Variants in STXBP6 observed in about 807,000 individuals in gnomAD.
STXBP6 encodes syntaxin-binding protein 6.
STXBP6 carries 21 observed loss-of-function variants against 26.9 expected under a neutral mutation model. That is an observed-to-expected ratio of 0.78 (90% CI 0.55 to 1.12). STXBP6 has a LOEUF of 1.12. Ranked by LOEUF, STXBP6 falls within the 50% of genes most tolerant of loss-of-function variation. STXBP6 has a pLI of 0.00. For synonymous variants in STXBP6, 97 were observed against 92.6 expected (o/e 1.05, Z -0.27); for missense variants, 232 against 257.9 (o/e 0.90, Z 0.69).
At chr14:25,046,054 C>A (rs992788157) in intron 1 of STXBP6, among the ~76,000 whole-genome samples, 3 of 152,072 alleles carry the variant, frequency 2.0e-5, no homozygotes, top group African/African-American at 7.2e-5. Flanking sequence ...TAGGAATGGG[C>A]CCTGACTCTC....
intron 2 of STXBP6, among the ~76,000 whole-genome samples, chr14:24,888,652 G>A (rs1375065749): frequency 6.6e-6 from 1 of 151,848 alleles, no homozygotes; most frequent in Non-Finnish European, 1.5e-5. Flanking sequence ...GAATCCGGGA[G>A]GTGTAGGCTG....
chr14:24,833,700 T>C (rs895646496), intron 4 of STXBP6, among the ~76,000 whole-genome samples: 2 of 151,970 alleles, frequency 1.3e-5, no homozygotes, highest in Admixed American at 1.3e-4. Flanking sequence ...TTATGCAGCA[T>C]TTTTTTTAAT....
chr14:24,970,234 C>G (rs1197551107), intron 2 of STXBP6, among the ~76,000 whole-genome samples: 3 of 150,284 alleles, frequency 2.0e-5, no homozygotes, highest in Non-Finnish European at 4.4e-5. Flanking sequence ...GAACGAGACT[C>G]CGTCTCAAAA....
intron 1 of STXBP6, among the ~76,000 whole-genome samples, chr14:24,987,449 G>T (rs1311573036): frequency 6.6e-6 from 1 of 152,220 alleles, no homozygotes; most frequent in Non-Finnish European, 1.5e-5. Context: ...ATGGAAATCA[G>T]CTCCCTGGGT....
chr14:24,894,385 A>C (rs1186055387), intron 2 of STXBP6, among the ~76,000 whole-genome samples: 1 of 152,192 alleles, frequency 6.6e-6, no homozygotes, highest in African/African-American at 2.4e-5. Context: ...CCATGTAGGA[A>C]TATACAAGGG....
chr14:24,811,728 T>TTCAGTG lies in STXBP6; in HGVS notation c.*980_*981insCACTGA. On this transcript the variant is annotated 3_prime_UTR_variant, in exon 6 of 6. Coordinates refer to ENST00000323944, the MANE Select transcript of STXBP6 (RefSeq NM_001394410.1). ...CTCCAAAATCCAGATACCAAGAAAC[T>TTCAGTG]AAAGGCCCTCTCCCAAGGACATTAT... The TTCAGTG allele has an allele frequency of 6.6e-6, 1 of 152,208 alleles. No homozygotes were observed. Among genetic ancestry groups the TTCAGTG allele is most frequent in the Non-Finnish European group, 1.5e-5 (1 of 67,998 alleles). 9.4% of individuals were successfully genotyped at this position (152,208 alleles called of 1,614,324 possible). A position where few individuals can be genotyped will look rare whatever the true frequency, so the allele number is the denominator to read the frequency against.
At chr14:24,857,901 T>A (rs1267242558) in intron 2 of STXBP6, among the ~76,000 whole-genome samples, 1 of 152,016 alleles carries the variant, frequency 6.6e-6, no homozygotes, top group Non-Finnish European at 1.5e-5. Flanking sequence ...ACTCTGAATA[T>A]TTCTACATCT....
At chr14:24,866,922 A>G (rs1033363955) in intron 2 of STXBP6, among the ~76,000 whole-genome samples, 1 of 152,034 alleles carries the variant, frequency 6.6e-6, no homozygotes, top group Non-Finnish European at 1.5e-5. Context: ...AAAAACTCAT[A>G]TGGAAGTTCA....
At chr14:24,903,194 G>A (rs956265460) in intron 2 of STXBP6, among the ~76,000 whole-genome samples, 1 of 152,078 alleles carries the variant, frequency 6.6e-6, no homozygotes, top group Non-Finnish European at 1.5e-5. Flanking sequence ...GTTAGAGCTC[G>A]CATTTTTGGT....
At chr14:24,934,314 G>A (rs1434499744) in intron 2 of STXBP6, among the ~76,000 whole-genome samples, 2 of 152,064 alleles carry the variant, frequency 1.3e-5, no homozygotes, top group Non-Finnish European at 2.9e-5. Flanking sequence ...TTACAGAAGG[G>A]GAAAATAAAT....
At chr14:24,835,805 G>A (rs911860150) in intron 4 of STXBP6, among the ~76,000 whole-genome samples, 3 of 152,116 alleles carry the variant, frequency 2.0e-5, no homozygotes, top group African/African-American at 4.8e-5. Flanking sequence ...GCTTAATAAC[G>A]ATATCCATAG....
At chr14:24,830,544 C>T (rs1027561457) in intron 4 of STXBP6, among the ~76,000 whole-genome samples, 1 of 152,094 alleles carries the variant, frequency 6.6e-6, no homozygotes, top group African/African-American at 2.4e-5. Flanking sequence ...ATAAAAAAGG[C>T]TGTCAGAAAA....
chr14:24,846,752 T>G (rs1016682462), intron 4 of STXBP6, among the ~76,000 whole-genome samples: 1 of 152,200 alleles, frequency 6.6e-6, no homozygotes, highest in Admixed American at 6.5e-5. Context: ...AAGGAATGTT[T>G]GCTCCTACAA....
At chr14:24,936,192 G>C (rs896425256) in intron 2 of STXBP6, among the ~76,000 whole-genome samples, 10 of 152,080 alleles carry the variant, frequency 6.6e-5, no homozygotes, top group African/African-American at 2.4e-4. Context: ...TGCTCCATTA[G>C]TCCCAGACTC....
chr14:24,812,865 C>T (rs2067861438), intron 5 of STXBP6, 133 bp from the exon 6 acceptor site: 8 of 813,698 alleles, frequency 9.8e-6, no homozygotes, highest in African/African-American at 3.4e-5. Context: ...GGCAGATCAC[C>T]GTTACTAATT....
At chr14:24,870,883 C>T (rs2069905738) in intron 2 of STXBP6, among the ~76,000 whole-genome samples, 1 of 152,144 alleles carries the variant, frequency 6.6e-6, no homozygotes, top group Non-Finnish European at 1.5e-5. Context: ...CGAAACACAA[C>T]AAGTTCACAT....
At chr14:24,922,772 T>C (rs1736811545) in intron 2 of STXBP6, among the ~76,000 whole-genome samples, 5 of 152,052 alleles carry the variant, frequency 3.3e-5, no homozygotes, top group Admixed American at 2.0e-4. Context: ...GCCATCACCA[T>C]CCCCAATATG....
chr14:24,816,051 G>C (rs1294358363), intron 5 of STXBP6: 1 of 152,204 alleles, frequency 6.6e-6, no homozygotes, highest in East Asian at 1.9e-4. Context: ...GAACAAGTTA[G>C]AAGGCCAAGT....
intron 2 of STXBP6, among the ~76,000 whole-genome samples, chr14:24,919,104 G>A (rs2139796052): frequency 6.6e-6 from 1 of 152,164 alleles, no homozygotes; most frequent in South Asian, 2.1e-4. Flanking sequence ...CAGCCCTCAA[G>A]GTGAGATGTG....
Sources: gnomAD v4.1 joint callset for allele counts (sites outside exome capture counted in the v4.1 genomes callset) on GRCh38, gnomAD v4.1.1 for gene constraint, MANE v1.5 for transcripts, NCBI Gene and HGNC (gene_info 2026-07-23, HGNC 2026-07-21) for gene names.